FMN1: variants seen among roughly 807,000 people sequenced by gnomAD.
The protein encoded by FMN1 is formin 1.
FMN1 carries 110 observed loss-of-function variants against 132.4 expected under a neutral mutation model. The ratio of observed to expected loss-of-function variants is 0.83; its 90% CI spans 0.71 to 0.97. FMN1 has a LOEUF of 0.97. Among genes scored for constraint, FMN1 ranks in the 50% least tolerant of loss-of-function variants. The probability of loss-of-function intolerance (pLI) is 0.00; values close to 1 mark genes in which losing one functional copy is unlikely to be tolerated. For missense variants in FMN1, 1,792 were observed against 1,705.3 expected, an observed-to-expected ratio of 1.05 and a Z score of -0.90; for synonymous variants, 722 against 651.7, an observed-to-expected ratio of 1.11 and a Z score of -1.64.
intron 16 of FMN1, among the ~76,000 whole-genome samples, chr15:32,871,312 C>T (rs146635778): frequency 2.4e-4 from 37 of 152,288 alleles, no homozygotes; most frequent in East Asian, 2.3e-3. Context: ...GCCTCGGTAT[C>T]GCGCTCCTTG....
intron 6 of FMN1, among the ~76,000 whole-genome samples, chr15:33,024,447 C>T (rs1046916763): frequency 2.6e-5 from 4 of 151,670 alleles, no homozygotes; most frequent in African/African-American, 7.3e-5. Context: ...GGGGTTTCAC[C>T]GTGTTAGCCA....
chr15:33,013,355 C>G (rs939241994), intron 6 of FMN1, among the ~76,000 whole-genome samples: 2 of 152,142 alleles, frequency 1.3e-5, no homozygotes, highest in African/African-American at 2.4e-5. Context: ...CCCATGCTAT[C>G]AATTGCTAAA....
intron 5 of FMN1, among the ~76,000 whole-genome samples, chr15:33,078,633 C>A (rs1191464673): frequency 1.4e-5 from 2 of 140,030 alleles, no homozygotes; most frequent in Non-Finnish European, 3.1e-5. Flanking sequence ...TCTGTAAAAT[C>A]CAAAAGGCAA....
intron 4 of FMN1, among the ~76,000 whole-genome samples, chr15:33,130,266 C>T (rs16965370): frequency 0.011 from 1,705 of 152,194 alleles, 28 homozygotes; most frequent in Middle Eastern, 0.037. Flanking sequence ...AGGAGAAATT[C>T]GTTGTGTTCA....
chr15:32,950,020 T>C lies in FMN1; in HGVS notation c.3138+14087A>G, dbSNP rs1352606138. Among the ~76,000 whole-genome samples the C allele has an allele frequency of 3.1e-3, 9 of 2,900 alleles. 3 individuals carry two copies. The highest frequency in any genetic ancestry group is 0.022 in the Admixed American group (4 of 186). The allele number at this position is 2,900 out of a possible 152,430, so 1.9% of individuals were successfully genotyped here. On this transcript the variant is annotated intron_variant, in intron 9 of 20. Transcript: ENST00000616417. ...ACACATACACATATATATATACACA[T>C]ATATATATATATACACATATATATA...
At chr15:33,002,985 G>A (rs1405664383) in intron 7 of FMN1, among the ~76,000 whole-genome samples, 1 of 152,196 alleles carries the variant, frequency 6.6e-6, no homozygotes, top group East Asian at 1.9e-4. Flanking sequence ...CTCAATAGAT[G>A]CAGAAAAGGC....
chr15:32,967,624 T>C (rs765495911), intron 8 of FMN1, among the ~76,000 whole-genome samples: 1 of 152,236 alleles, frequency 6.6e-6, no homozygotes, highest in African/African-American at 2.4e-5. Context: ...AATTGAATTT[T>C]GTAAAAAAGA....
chr15:32,874,299 G>A (rs992034931), intron 16 of FMN1, among the ~76,000 whole-genome samples: 2 of 151,978 alleles, frequency 1.3e-5, no homozygotes, highest in African/African-American at 4.8e-5. Context: ...GGGATTACAG[G>A]TGTGAGCCAC....
In FMN1 at chr15:33,171,209, T is replaced by G. The variant is rs554816697; in HGVS notation, c.-132+8989A>C. ...GAGCAGAATTATAGTTTCCAGAGAC[T>G]GAGAAGGGGATGTGGAGAGAGGGGA... On this transcript the variant is annotated intron_variant, in intron 3 of 20. Coordinates refer to ENST00000616417, the MANE Select transcript of FMN1 (RefSeq NM_001277313.2). Among the ~76,000 whole-genome samples, 619 of 152,230 alleles carry G rather than the reference T, an allele frequency of 4.1e-3. 2 individuals carry two copies. The highest frequency in any genetic ancestry group is 0.014 in the African/African-American group (602 of 41,548).
intron 4 of FMN1, among the ~76,000 whole-genome samples, chr15:33,094,816 A>G (rs2039020765): frequency 6.6e-6 from 1 of 152,202 alleles, no homozygotes; most frequent in Non-Finnish European, 1.5e-5. Flanking sequence ...ATGTGTGGCC[A>G]TAGTTACACT....
chr15:32,828,078 A>T (rs1423772984), intron 17 of FMN1, among the ~76,000 whole-genome samples: 1 of 152,158 alleles, frequency 6.6e-6, no homozygotes, highest in Admixed American at 6.5e-5. Flanking sequence ...GGATCACTTG[A>T]GGTTGGGAGT....
At chr15:32,928,655 G>C (rs1051654148) in intron 9 of FMN1, among the ~76,000 whole-genome samples, 2 of 152,134 alleles carry the variant, frequency 1.3e-5, no homozygotes, top group Non-Finnish European at 2.9e-5. Context: ...GAATTGACTA[G>C]ATTTATTCTT....
chr15:32,876,325 T>C lies in FMN1; in HGVS notation c.3835+11847A>G, dbSNP rs79681040. ...TTAATGAAAGAAGCTAAAATATTGC[T>C]GTTAAATGTAGGTATAGAAGGCCAG... On this transcript the variant is annotated intron_variant, in intron 16 of 20. Coordinates refer to ENST00000616417, the MANE Select transcript of FMN1 (RefSeq NM_001277313.2). Among the ~76,000 whole-genome samples, 461 of 152,312 alleles carry C rather than the reference T, an allele frequency of 3.0e-3. 4 individuals are homozygous for C. The highest frequency in any genetic ancestry group is 0.011 in the African/African-American group (440 of 41,576).
At chr15:32,856,766 G>T (rs1274923463) in intron 17 of FMN1, among the ~76,000 whole-genome samples, 1 of 152,200 alleles carries the variant, frequency 6.6e-6, no homozygotes, top group Non-Finnish European at 1.5e-5. Flanking sequence ...TGTCCTCAGA[G>T]AATTTACAAA....
chr15:32,922,394 G>A (rs376356518), intron 10 of FMN1, among the ~76,000 whole-genome samples: 62 of 152,196 alleles, frequency 4.1e-4, no homozygotes, highest in African/African-American at 1.4e-3. Flanking sequence ...CATTAGCCCA[G>A]TTATTTGCAA....
intron 9 of FMN1, among the ~76,000 whole-genome samples, chr15:32,956,687 C>G (rs992408397): frequency 1.3e-5 from 2 of 152,050 alleles, no homozygotes; most frequent in Non-Finnish European, 2.9e-5. Flanking sequence ...GTTGTCAACA[C>G]GTGAAAAACG....
chr15:32,915,308 C>T (rs1280721299), intron 10 of FMN1, among the ~76,000 whole-genome samples: 1 of 152,166 alleles, frequency 6.6e-6, no homozygotes, highest in Non-Finnish European at 1.5e-5. Context: ...ACTGGAACAA[C>T]GTATTAGAGA....
chr15:33,086,375 T>A (rs548596511), intron 5 of FMN1, among the ~76,000 whole-genome samples: 5 of 106,634 alleles, frequency 4.7e-5, no homozygotes, highest in South Asian at 2.7e-4. Context: ...CAAAAAAAAA[T>A]TTATCAAATT....
chr15:32,906,044 C>T (rs1337577799), intron 12 of FMN1, among the ~76,000 whole-genome samples: 1 of 152,174 alleles, frequency 6.6e-6, no homozygotes, highest in Non-Finnish European at 1.5e-5. Flanking sequence ...CTATCTAGAT[C>T]ATCAGTAGAG....
Sources: allele counts gnomAD v4.1 joint callset (sites outside exome capture counted in the v4.1 genomes callset), GRCh38; gene constraint gnomAD v4.1.1; transcripts MANE v1.5; gene names NCBI Gene and HGNC (gene_info 2026-07-23, HGNC 2026-07-21).